Variants in DSCAM observed in about 807,000 individuals in gnomAD.
DSCAM encodes DS cell adhesion molecule.
Under a neutral mutation model 217.7 loss-of-function variants are expected in DSCAM, and 47 were observed. That is an observed-to-expected ratio of 0.22 (90% CI 0.17 to 0.28). DSCAM has a LOEUF of 0.28. Among genes scored for constraint, DSCAM ranks in the 10% least tolerant of loss-of-function variants. The pLI is 1.00. For synonymous variants in DSCAM, 1,056 were observed against 1,015.3 expected (o/e 1.04, Z -0.76); for missense variants, 2,080 against 2,618.3 (o/e 0.79, Z 4.49).
At chr21:40,258,150 C>T (rs1019143607) in intron 11 of DSCAM, among the ~76,000 whole-genome samples, 1 of 152,216 alleles carries the variant, frequency 6.6e-6, no homozygotes, top group African/African-American at 2.4e-5. Flanking sequence ...TTCCTAGCAG[C>T]ATTCAGCAGT....
At chr21:40,436,613 T>C (rs1045985578) in intron 3 of DSCAM, among the ~76,000 whole-genome samples, 8 of 152,206 alleles carry the variant, frequency 5.3e-5, no homozygotes. Context: ...CACCTGAGAC[T>C]TGTTTGGCAG....
Position 40,426,543 on chromosome 21 carries a change from T to C in DSCAM, c.509-57298A>G, listed in dbSNP as rs556973625. Among the ~76,000 whole-genome samples the C allele has an allele frequency of 2.6e-5, 4 of 152,328 alleles. 1 individual carries two copies. Among genetic ancestry groups the C allele is most frequent in the African/African-American group, 7.2e-5 (3 of 41,580 alleles). On this transcript the variant is annotated intron_variant, in intron 3 of 32. Transcript: ENST00000400454. ...AATTGTTAAAGGTTCATAATGTAAATGGCAATATTAAAGTTGTCAAAGGCC... is the reference window on the plus strand; with the variant it reads ...AATTGTTAAAGGTTCATAATGTAAACGGCAATATTAAAGTTGTCAAAGGCC...
intron 3 of DSCAM, among the ~76,000 whole-genome samples, chr21:40,474,410 T>C (rs2075915999): frequency 6.6e-6 from 1 of 152,194 alleles, no homozygotes; most frequent in Non-Finnish European, 1.5e-5. Flanking sequence ...CTTTGCAGCA[T>C]ATAATATTCC....
At chr21:40,212,983 A>C (rs1449028517) in intron 11 of DSCAM, among the ~76,000 whole-genome samples, 1 of 152,154 alleles carries the variant, frequency 6.6e-6, no homozygotes, top group Non-Finnish European at 1.5e-5. Context: ...AGGCTGGGAG[A>C]GGTGAGGAAC....
At chr21:40,642,907 G>A (rs758184007) in intron 3 of DSCAM, among the ~76,000 whole-genome samples, 12 of 152,184 alleles carry the variant, frequency 7.9e-5, no homozygotes, top group Non-Finnish European at 1.6e-4. Context: ...CACCAGGGCA[G>A]AGGGCCTCCC....
chr21:40,663,687 G>C (rs1231817468), intron 3 of DSCAM, among the ~76,000 whole-genome samples: 2 of 152,078 alleles, frequency 1.3e-5, no homozygotes, highest in Admixed American at 6.5e-5. Flanking sequence ...ACTGTCACTG[G>C]GGTTGTGTGC....
chr21:40,044,375 C>T (rs2088809018), intron 30 of DSCAM, 100 bp from the exon 31 acceptor site: 14 of 1,208,502 alleles, frequency 1.2e-5, no homozygotes, highest in East Asian at 5.1e-5. Flanking sequence ...ACTGCCGACT[C>T]GCCCACGCCC....
At chr21:40,240,409 G>C (rs1281378481) in intron 11 of DSCAM, among the ~76,000 whole-genome samples, 1 of 109,796 alleles carries the variant, frequency 9.1e-6, no homozygotes, top group Admixed American at 1.3e-4. Context: ...CCATTCTAAT[G>C]TATCTTGCAT....
intron 3 of DSCAM, among the ~76,000 whole-genome samples, chr21:40,404,387 C>A (rs2075263553): frequency 2.0e-5 from 3 of 152,146 alleles, no homozygotes. Flanking sequence ...CAAGTGATTT[C>A]CTAAGATCCA....
chr21:40,737,829 G>A lies in DSCAM; in HGVS notation c.44-29058C>T, dbSNP rs529483668. On this transcript the variant is annotated intron_variant, in intron 1 of 32. Transcript: ENST00000400454. Reference sequence around the variant, plus strand: ...GACCTCAGAAGGGGCTCTTGAGTGGGTTCTGGGCTCCCAGTCTTCCAGCCC... The same window carrying A: ...GACCTCAGAAGGGGCTCTTGAGTGGATTCTGGGCTCCCAGTCTTCCAGCCC... Among the ~76,000 whole-genome samples the A allele has an allele frequency of 1.7e-3, 263 of 152,286 alleles. 5 individuals are homozygous for A. The Middle Eastern group carries it at 0.037, about 22-fold the overall frequency.
chr21:40,620,959 TAAGTGAAAGAA>T (rs1345708341), intron 3 of DSCAM, among the ~76,000 whole-genome samples: 43 of 152,188 alleles, frequency 2.8e-4, no homozygotes, highest in African/African-American at 1.0e-3. Context: ...AGATGCATTA[TAAGTGAAAGAA>T]GCCAGACTCA....
intron 3 of DSCAM, among the ~76,000 whole-genome samples, chr21:40,469,083 A>G (rs989780125): frequency 2.0e-5 from 3 of 152,154 alleles, no homozygotes; most frequent in Non-Finnish European, 4.4e-5. Flanking sequence ...AACACTGCCC[A>G]CCCAAAAGGA....
intron 1 of DSCAM, among the ~76,000 whole-genome samples, chr21:40,758,578 G>A (rs1046801041): frequency 1.2e-4 from 18 of 151,590 alleles, no homozygotes; most frequent in Non-Finnish European, 1.6e-4. Context: ...GGTGACTGCT[G>A]GCATAAAGTG....
At chr21:40,706,257 T>G (rs2090716791) in intron 2 of DSCAM, among the ~76,000 whole-genome samples, 1 of 152,012 alleles carries the variant, frequency 6.6e-6, no homozygotes, top group Admixed American at 6.6e-5. Flanking sequence ...AGAAATCTTC[T>G]GACTTGCCCA....
chr21:40,260,617 AT>A (rs2073437437), intron 11 of DSCAM, among the ~76,000 whole-genome samples: 1 of 152,246 alleles, frequency 6.6e-6, no homozygotes. Context: ...TCTACAAAGA[AT>A]AAATCATCAG....
chr21:40,441,934 A>G (rs1569125099), intron 3 of DSCAM, among the ~76,000 whole-genome samples: 1 of 151,918 alleles, frequency 6.6e-6, no homozygotes, highest in Non-Finnish European at 1.5e-5. Context: ...CACACTGTTT[A>G]TTTTGCTTTC....
intron 3 of DSCAM, among the ~76,000 whole-genome samples, chr21:40,577,619 C>A (rs563788470): frequency 1.4e-4 from 21 of 152,130 alleles, no homozygotes; most frequent in African/African-American, 4.8e-4. Flanking sequence ...TAGCCGGCGA[C>A]GAGAGACGGC....
chr21:40,421,995 C>G (rs992105456), intron 3 of DSCAM, among the ~76,000 whole-genome samples: 2 of 152,220 alleles, frequency 1.3e-5, no homozygotes, highest in Non-Finnish European at 1.5e-5. Context: ...ACAGAAAAGG[C>G]TCTTTTAAAC....
chr21:40,405,418 A>C (rs1354188152), intron 3 of DSCAM, among the ~76,000 whole-genome samples: 1 of 152,120 alleles, frequency 6.6e-6, no homozygotes, highest in Non-Finnish European at 1.5e-5. Context: ...TCCCCAGTAG[A>C]AAAGCCACAT....
Sources: gnomAD v4.1 joint callset for allele counts (sites outside exome capture counted in the v4.1 genomes callset) on GRCh38, gnomAD v4.1.1 for gene constraint, MANE v1.5 for transcripts, NCBI Gene and HGNC (gene_info 2026-07-23, HGNC 2026-07-21) for gene names.